The following ASAP2 variants were observed in gnomAD, a reference collection of about 807,000 sequenced individuals.
The protein encoded by ASAP2 is arf-GAP with SH3 domain, ANK repeat and PH domain-containing protein 2.
Under a neutral mutation model 131.4 loss-of-function variants are expected in ASAP2, and 45 were observed. That is an observed-to-expected ratio of 0.34 (90% CI 0.27 to 0.44). The LOEUF (loss-of-function observed/expected upper bound fraction) is 0.44. Ranked by LOEUF, ASAP2 falls within the 20% of genes least tolerant of loss-of-function variation. ASAP2 has a pLI of 1.00. For synonymous variants in ASAP2, 510 were observed against 503.0 expected (o/e 1.01, Z -0.19); for missense variants, 1,011 against 1,297.0 (o/e 0.78, Z 3.39).
chr2:9,254,527 A>ATTTTTTTT lies in ASAP2; in HGVS notation c.127-24771_127-24764dup. On this transcript the variant is annotated intron_variant, in intron 1 of 27. Transcript: ENST00000281419. ...ACCACTACCCCCAGCTAATTTTTGGATTTTTTTTTTTTTTTTTTTTTTTTT... is the reference window on the plus strand; with the variant it reads ...ACCACTACCCCCAGCTAATTTTTGGATTTTTTTTTTTTTTTTTTTTTTTTTTTTTTTTT... Among the ~76,000 whole-genome samples, 120 of 27,996 alleles carry ATTTTTTTT rather than the reference A, an allele frequency of 4.3e-3. 36 individuals carry two copies. The highest frequency in any genetic ancestry group is 0.013 in the African/African-American group (100 of 7,770). The allele number at this position is 27,996 out of a possible 152,430, so 18.4% of individuals were successfully genotyped here.
At position 9,255,521 on chromosome 2, in the gene ASAP2, A is replaced by G. The variant is rs11691689; in HGVS notation, c.127-23796A>G. Among the ~76,000 whole-genome samples, 832 of 152,340 alleles carry G rather than the reference A, an allele frequency of 5.5e-3. 8 individuals carry two copies. Among genetic ancestry groups the G allele is most frequent in the African/African-American group, 0.019 (800 of 41,580 alleles). On this transcript the variant is annotated intron_variant, in intron 1 of 27. Coordinates refer to ENST00000281419, the MANE Select transcript of ASAP2 (RefSeq NM_003887.3). ...TTGTTACTATGGAATGGTTGATTTGATGTAAATGCACACTGCAGCTTAATG... is the reference window on the plus strand; with the variant it reads ...TTGTTACTATGGAATGGTTGATTTGGTGTAAATGCACACTGCAGCTTAATG...
intron 11 of ASAP2, among the ~76,000 whole-genome samples, chr2:9,345,016 A>T (rs113885167): frequency 0.19 from 29,214 of 150,448 alleles, 3,238 homozygotes; most frequent in Middle Eastern, 0.28. Flanking sequence ...TTTTAATTTT[A>T]ATTTTTATTT....
chr2:9,308,769 G>T (rs1669110858), intron 3 of ASAP2, among the ~76,000 whole-genome samples: 1 of 152,146 alleles, frequency 6.6e-6, no homozygotes, highest in Non-Finnish European at 1.5e-5. Flanking sequence ...AGGCAACGTG[G>T]ATGACTCAAG....
At chr2:9,309,337 C>T (rs1669146098) in intron 3 of ASAP2, among the ~76,000 whole-genome samples, 1 of 152,180 alleles carries the variant, frequency 6.6e-6, no homozygotes, top group South Asian at 2.1e-4. Flanking sequence ...ATGAATCGCA[C>T]AGTCATGCGC....
chr2:9,368,580 G>A lies in ASAP2; in HGVS notation c.1556+61G>A, dbSNP rs553458796. ...AAAGGTTTGCCTTTGCCCGAGCCCC[G>A]GGAGGCAGGGGAATAAGAAGTTTTG... On this transcript the variant is annotated intron_variant, in intron 16 of 27. Transcript: ENST00000281419. 5.5e-5 allele frequency: 79 copies of A among 1,424,586 alleles called. No homozygotes were observed. The South Asian group carries it at 7.9e-4, about 14-fold the overall frequency. 88.2% of individuals were successfully genotyped at this position (1,424,586 alleles called of 1,614,324 possible).
intron 27 of ASAP2, among the ~76,000 whole-genome samples, chr2:9,402,368 G>A (rs1476932119): frequency 2.0e-5 from 3 of 152,192 alleles, no homozygotes; most frequent in Admixed American, 6.5e-5. Flanking sequence ...GGTGGCTCAC[G>A]CCCATAATCC....
At chr2:9,238,751 T>C (rs541296619) in intron 1 of ASAP2, among the ~76,000 whole-genome samples, 1 of 152,328 alleles carries the variant, frequency 6.6e-6, no homozygotes, top group East Asian at 1.9e-4. Context: ...TGATGAATCT[T>C]ACAAATGTAC....
At chr2:9,262,312 G>A (rs1465903454) in intron 1 of ASAP2, among the ~76,000 whole-genome samples, 1 of 152,134 alleles carries the variant, frequency 6.6e-6, no homozygotes, top group Non-Finnish European at 1.5e-5. Context: ...ACGGTCCTGG[G>A]GTAACAGCGT....
intron 9 of ASAP2, among the ~76,000 whole-genome samples, chr2:9,341,655 C>T (rs193132721): frequency 1.8e-4 from 28 of 152,300 alleles, no homozygotes; most frequent in Non-Finnish European, 3.4e-4. Flanking sequence ...GTTGAGTCTC[C>T]TGACAGGTTT....
rs142173764 is a variant in ASAP2 at position 9,217,604 on chromosome 2, T to C, written c.126+10374T>C. ...GAAGAAATCATGTTCTTCTTAGAGG[T>C]ATGTTTTTGTTTTTTGTTTTTTTTT... On this transcript the variant is annotated intron_variant, in intron 1 of 27. Transcript: ENST00000281419. The surrounding 1 kb of genome is among the most constrained non-coding windows in gnomAD (Gnocchi z 4.0). Among the ~76,000 whole-genome samples, 89 of 147,476 alleles carry C rather than the reference T, an allele frequency of 6.0e-4. No individual in the cohort carries two copies. The highest frequency in any genetic ancestry group is 2.1e-3 in the African/African-American group (83 of 39,232).
intron 2 of ASAP2, among the ~76,000 whole-genome samples, chr2:9,288,364 G>A (rs745327326): frequency 3.9e-4 from 60 of 152,296 alleles, no homozygotes; most frequent in Non-Finnish European, 8.4e-4. Flanking sequence ...TGAGGCTTTA[G>A]AGACCATGTA....
At chr2:9,208,087 G>C (rs1257398301) in intron 1 of ASAP2, among the ~76,000 whole-genome samples, 1 of 152,178 alleles carries the variant, frequency 6.6e-6, no homozygotes, top group Non-Finnish European at 1.5e-5. Flanking sequence ...CGTTGGCTGT[G>C]GTTTGAGGCA....
intron 1 of ASAP2, among the ~76,000 whole-genome samples, chr2:9,262,190 T>G (rs1459565139): frequency 6.6e-6 from 1 of 152,144 alleles, no homozygotes; most frequent in Non-Finnish European, 1.5e-5. Context: ...AAAAAAAATG[T>G]ATTAGTGGAA....
At chr2:9,250,586 A>G (rs1452310284) in intron 1 of ASAP2, among the ~76,000 whole-genome samples, 1 of 108,476 alleles carries the variant, frequency 9.2e-6, no homozygotes, top group Admixed American at 7.7e-5. Flanking sequence ...GGGCAAATGC[A>G]GTGTGGTGTG....
At chr2:9,265,301 G>A (rs897009389) in intron 1 of ASAP2, among the ~76,000 whole-genome samples, 4 of 152,180 alleles carry the variant, frequency 2.6e-5, no homozygotes, top group African/African-American at 9.6e-5. Context: ...TCTACATTAC[G>A]AATTGAGCAT....
intron 1 of ASAP2, among the ~76,000 whole-genome samples, chr2:9,219,713 GAATTCACTTACCATAA>G (rs1662287800): frequency 1.3e-5 from 2 of 152,054 alleles, no homozygotes; most frequent in Non-Finnish European, 2.9e-5. Flanking sequence ...ACATACCATA[GAATTCACTTACCATAA>G]AATTCACCAT....
intron 2 of ASAP2, among the ~76,000 whole-genome samples, chr2:9,289,727 T>A (rs1667687267): frequency 6.6e-6 from 1 of 152,124 alleles, no homozygotes; most frequent in Admixed American, 6.5e-5. Context: ...TAAGGCAGGA[T>A]CAAAGAGGAT....
In ASAP2 at chr2:9,379,550, G is replaced by A. The variant is rs552958207; in HGVS notation, c.1948+491G>A. On this transcript the variant is annotated intron_variant, in intron 19 of 27. Coordinates refer to ENST00000281419, the MANE Select transcript of ASAP2 (RefSeq NM_003887.3). ...CTTGGCCCCGGTCCCTCCCTCTCTC[G>A]AGGACCCCGACATGCCAACAGCCAA... 1.4e-4 allele frequency among the ~76,000 whole-genome samples: 21 copies of A among 152,200 alleles called. 1 individual carries two copies. In the South Asian group the frequency reaches 2.1e-3, roughly 15 times the overall value.
intron 1 of ASAP2, chr2:9,271,501 G>A: frequency 7.0e-7 from 1 of 1,430,932 alleles, no homozygotes; most frequent in Non-Finnish European, 9.9e-7. Flanking sequence ...AGTAGTAAGG[G>A]CCTTCCTGCC....
Sources: gnomAD v4.1 joint callset for allele counts (sites outside exome capture counted in the v4.1 genomes callset) on GRCh38, gnomAD v4.1.1 for gene constraint, Gnocchi (gnomAD v3.1) non-coding constraint, MANE v1.5 for transcripts, NCBI Gene and HGNC (gene_info 2026-07-23, HGNC 2026-07-21) for gene names.